Variants in MID1 observed in about 807,000 individuals in gnomAD.
MID1 encodes E3 ubiquitin-protein ligase Midline-1.
Under a neutral mutation model 40.4 loss-of-function variants are expected in MID1, and 7 were observed. The observed-to-expected ratio is 0.17, with a 90% CI of 0.10 to 0.33. The LOEUF (loss-of-function observed/expected upper bound fraction) is 0.33. Ranked by LOEUF, MID1 falls within the 10% of genes least tolerant of loss-of-function variation. The pLI is 1.00. For missense variants in MID1, 367 were observed against 558.5 expected, an observed-to-expected ratio of 0.66 and a Z score of 3.46; for synonymous variants, 229 against 221.2, an observed-to-expected ratio of 1.04 and a Z score of -0.31.
intron 1 of MID1, among the ~76,000 whole-genome samples, chrX:10,716,979 C>T (rs1204935039): frequency 1.8e-5 from 2 of 111,306 alleles, no homozygotes; most frequent in Admixed American, 9.6e-5. Context: ...AAACCCTTTA[C>T]AGACAAGCAA....
chrX:10,498,424 T>C (rs1352311663), intron 3 of MID1, among the ~76,000 whole-genome samples: 1 of 112,336 alleles, frequency 8.9e-6, no homozygotes, highest in Non-Finnish European at 1.9e-5. Flanking sequence ...AGGAATTGAT[T>C]TTTTAAAACT....
At chrX:10,480,633 G>T (rs1930267526) in intron 5 of MID1, among the ~76,000 whole-genome samples, 1 of 111,629 alleles carries the variant, frequency 9.0e-6, no homozygotes, top group Admixed American at 9.6e-5. Flanking sequence ...ACTGGATATG[G>T]CCCAGGGAAA....
At chrX:10,751,769 AC>A (rs1358356729) in intron 1 of MID1, among the ~76,000 whole-genome samples, 1 of 112,221 alleles carries the variant, frequency 8.9e-6, no homozygotes, top group East Asian at 2.8e-4. Context: ...CAGAAGAAAC[AC>A]CCACTGATAT....
chrX:10,484,848 G>C (rs949876590), intron 4 of MID1, among the ~76,000 whole-genome samples: 3 of 111,790 alleles, frequency 2.7e-5, no homozygotes, highest in Non-Finnish European at 5.6e-5. Flanking sequence ...AAATAGAAGA[G>C]GAGAAAAGCA....
At chrX:10,533,003 C>T (rs958944370) in intron 2 of MID1, among the ~76,000 whole-genome samples, 5 of 110,426 alleles carry the variant, frequency 4.5e-5, no homozygotes, top group Non-Finnish European at 9.5e-5. Context: ...AATTCCCAAC[C>T]TCAGGTGATC....
intron 1 of MID1, among the ~76,000 whole-genome samples, chrX:10,708,079 T>C (rs1300032892): frequency 8.9e-6 from 1 of 112,598 alleles, no homozygotes; most frequent in Non-Finnish European, 1.9e-5. Context: ...AGAGATGTTA[T>C]CATAAATCAG....
At chrX:10,625,411 T>A (rs1395773090), upstream of MID1, among the ~76,000 whole-genome samples, 2 of 112,668 alleles carry the variant, frequency 1.8e-5, no homozygotes, top group Non-Finnish European at 3.7e-5. Context: ...CTAGCCAAGT[T>A]AACACATAAA....
chrX:10,708,963 G>A (rs1198998286), intron 1 of MID1, among the ~76,000 whole-genome samples: 1 of 112,344 alleles, frequency 8.9e-6, no homozygotes, highest in Non-Finnish European at 1.9e-5. Context: ...TATTTAGGTT[G>A]AACCATATGG....
intron 1 of MID1, among the ~76,000 whole-genome samples, chrX:10,816,825 G>A (rs2044138742): frequency 8.9e-6 from 1 of 111,966 alleles, no homozygotes; most frequent in Non-Finnish European, 1.9e-5. Context: ...TGTTTGGGGA[G>A]GTTCGTGGGT....
intron 1 of MID1, among the ~76,000 whole-genome samples, chrX:10,570,432 C>A (rs1272361820): frequency 5.3e-5 from 6 of 112,175 alleles, no homozygotes; most frequent in African/African-American, 1.9e-4. Flanking sequence ...CTCCTTCTGT[C>A]CCCACTGTCC....
intron 1 of MID1, among the ~76,000 whole-genome samples, chrX:10,588,382 G>A (rs746463664): frequency 4.5e-5 from 5 of 110,924 alleles, no homozygotes; most frequent in Non-Finnish European, 7.5e-5. Flanking sequence ...GGCCATTCGC[G>A]GGTTACTGGG....
intron 9 of MID1, among the ~76,000 whole-genome samples, chrX:10,451,625 C>T (rs921518364): frequency 8.1e-5 from 9 of 111,568 alleles, no homozygotes; most frequent in African/African-American, 2.0e-4. Flanking sequence ...GGGAGGGACC[C>T]GGTGGAAGGA....
chrX:10,789,302 C>T (rs191875771), intron 1 of MID1, among the ~76,000 whole-genome samples: 21 of 112,520 alleles, frequency 1.9e-4, no homozygotes, highest in Non-Finnish European at 3.8e-4. Flanking sequence ...TGAATAAATG[C>T]TCTTATCTTA....
chrX:10,533,327 G>GGAAAGAAAGAAA (rs35811442), intron 2 of MID1, among the ~76,000 whole-genome samples: 711 of 47,692 alleles, frequency 0.015, 32 homozygotes, highest in East Asian at 0.06. Context: ...AAGAAAGAAA[G>GGAAAGAAAGAAA]GAAAGAAAGA....
intron 2 of MID1, among the ~76,000 whole-genome samples, chrX:10,529,279 T>C (rs1182331841): frequency 8.9e-6 from 1 of 112,037 alleles, no homozygotes; most frequent in African/African-American, 3.2e-5. Flanking sequence ...ACACATTTCA[T>C]AAATGATTTG....
intron 2 of MID1, among the ~76,000 whole-genome samples, chrX:10,560,272 G>A (rs1022204858): frequency 1.8e-4 from 20 of 109,962 alleles, no homozygotes; most frequent in Admixed American, 4.9e-4. Flanking sequence ...TTCACTCTCG[G>A]CAAAAAAAAG....
chrX:10,825,699 C>A (rs760475497), intron 1 of MID1, among the ~76,000 whole-genome samples: 1 of 111,294 alleles, frequency 9.0e-6, no homozygotes, highest in East Asian at 2.8e-4. Context: ...AGAAAGAATT[C>A]GCCAGACAAC....
chrX:10,743,012 A>T (rs1454666883), intron 1 of MID1, among the ~76,000 whole-genome samples: 1 of 112,684 alleles, frequency 8.9e-6, no homozygotes, highest in Non-Finnish European at 1.9e-5. Flanking sequence ...CTATCTTTGC[A>T]TTTTGCTAAA....
chrX:10,752,360 A>G (rs2043605547), intron 1 of MID1, among the ~76,000 whole-genome samples: 1 of 112,024 alleles, frequency 8.9e-6, no homozygotes, highest in Non-Finnish European at 1.9e-5. Context: ...TTCTTGTGTC[A>G]GTCTACCTAC....
Sources: gnomAD v4.1 joint callset for allele counts (sites outside exome capture counted in the v4.1 genomes callset) on GRCh38, gnomAD v4.1.1 for gene constraint, MANE v1.5 for transcripts, NCBI Gene and HGNC (gene_info 2026-07-23, HGNC 2026-07-21) for gene names.